FRMPD4: variants seen among roughly 807,000 people sequenced by gnomAD.
FRMPD4 encodes FERM and PDZ domain-containing protein 4.
A neutral mutation model predicts 94.1 loss-of-function variants in FRMPD4; 22 were observed. The observed-to-expected ratio is 0.23, with a 90% confidence interval of 0.17 to 0.33. The LOEUF (loss-of-function observed/expected upper bound fraction) is 0.33, where lower values mean the gene tolerates loss of function less well. Ranked by LOEUF, FRMPD4 falls within the 10% of genes least tolerant of loss-of-function variation. The pLI, the probability that FRMPD4 is intolerant of heterozygous loss-of-function variation, is 1.00. For synonymous variants in FRMPD4, 631 were observed against 548.6 expected (o/e 1.15, Z -2.10); for missense variants, 1,111 against 1,339.9 (o/e 0.83, Z 2.67).
chrX:12,117,593 T>C (rs1248774137), intron 3 of FRMPD4, among the ~76,000 whole-genome samples: 4 of 111,720 alleles, frequency 3.6e-5, no homozygotes, highest in Admixed American at 1.9e-4. Flanking sequence ...GCCATTTCAA[T>C]TCCAAATATG....
intron 1 of FRMPD4, among the ~76,000 whole-genome samples, chrX:12,317,585 C>CAAAAAAAAAAAAAAAAAAAAA (rs376884335): frequency 7.1e-5 from 3 of 42,443 alleles, no homozygotes; most frequent in African/African-American, 2.5e-4. Context: ...AACTAAATAG[C>CAAAAAAAAAAAAAAAAAAAAA]AAAAAAAAAA....
intron 3 of FRMPD4, among the ~76,000 whole-genome samples, chrX:12,104,938 T>A (rs190105873): frequency 8.9e-6 from 1 of 111,762 alleles, no homozygotes; most frequent in Non-Finnish European, 1.9e-5. Flanking sequence ...GTGCTAATTA[T>A]CTCCCTTTAT....
At chrX:12,057,563 GTGTT>G (rs2054861298) in intron 3 of FRMPD4, among the ~76,000 whole-genome samples, 1 of 111,331 alleles carries the variant, frequency 9.0e-6, no homozygotes, top group Non-Finnish European at 1.9e-5. Context: ...ACCTCTTAGA[GTGTT>G]TGTTTTCTAT....
At chrX:12,483,638 A>G (rs1266073214) in intron 1 of FRMPD4, among the ~76,000 whole-genome samples, 1 of 111,612 alleles carries the variant, frequency 9.0e-6, no homozygotes, top group Non-Finnish European at 1.9e-5. Context: ...CATTAGGGGA[A>G]TTTTATAAAT....
At chrX:12,360,957 GAAAAAAAA>G (rs71871271) in intron 1 of FRMPD4, among the ~76,000 whole-genome samples, 1 of 58,879 alleles carries the variant, frequency 1.7e-5, no homozygotes, top group Non-Finnish European at 3.2e-5. Flanking sequence ...GCCATGAAAA[GAAAAAAAA>G]AAAAAAAAAC....
intron 2 of FRMPD4, among the ~76,000 whole-genome samples, chrX:12,594,539 C>G (rs1456134928): frequency 9.0e-6 from 1 of 110,535 alleles, no homozygotes; most frequent in African/African-American, 3.3e-5. Flanking sequence ...GGGTTCACAC[C>G]GTTCTCCTGC....
intron 3 of FRMPD4, among the ~76,000 whole-genome samples, chrX:11,965,496 T>C (rs2054305382): frequency 8.9e-6 from 1 of 112,162 alleles, no homozygotes; most frequent in African/African-American, 3.2e-5. Context: ...TCTAAAAACA[T>C]GATTTCTGCC....
rs183905750 is a variant in FRMPD4 at position 11,929,847 on chromosome X, C to A, written c.95+51829C>A. Among the ~76,000 whole-genome samples the A allele has an allele frequency of 1.6e-3, 178 of 110,531 alleles. 1 individual carries two copies. The highest frequency in any genetic ancestry group is 4.7e-3 in the Middle Eastern group (1 of 215). ...CATCAGCCGGGTGCGGTGGCTCACACCTGTAATCCCAACAGTTTGGGAGGC... is the reference window on the plus strand; with the variant it reads ...CATCAGCCGGGTGCGGTGGCTCACAACTGTAATCCCAACAGTTTGGGAGGC... On this transcript the variant is annotated intron_variant, in intron 3 of 18. Transcript: ENST00000640291.
chrX:12,457,468 C>G (rs1166553166), intron 1 of FRMPD4, among the ~76,000 whole-genome samples: 1 of 111,558 alleles, frequency 9.0e-6, no homozygotes, highest in Non-Finnish European at 1.9e-5. Context: ...TGTGTTAGTA[C>G]TTTGTTGAAT....
At chrX:12,583,733 C>A (rs1029168220) in intron 2 of FRMPD4, among the ~76,000 whole-genome samples, 3 of 112,795 alleles carry the variant, frequency 2.7e-5, no homozygotes, top group African/African-American at 9.6e-5. Flanking sequence ...GAGCCTCACC[C>A]GGGCCCAGCT....
intron 1 of FRMPD4, among the ~76,000 whole-genome samples, chrX:12,449,057 G>A (rs1175459893): frequency 8.9e-6 from 1 of 111,979 alleles, no homozygotes; most frequent in Non-Finnish European, 1.9e-5. Flanking sequence ...GTTCATACAT[G>A]CAGAAATCCA....
chrX:12,278,172 A>G (rs1601771272), intron 1 of FRMPD4, among the ~76,000 whole-genome samples: 1 of 111,890 alleles, frequency 8.9e-6, no homozygotes. Flanking sequence ...AGAAGTTCAT[A>G]CCTTTTCTCA....
chrX:11,954,537 A>G (rs906040835), intron 3 of FRMPD4, among the ~76,000 whole-genome samples: 4 of 111,988 alleles, frequency 3.6e-5, no homozygotes, highest in African/African-American at 1.3e-4. Context: ...GGAAAGCTTA[A>G]TTAAAGCAAA....
chrX:12,105,786 T>C (rs751579257), intron 3 of FRMPD4, among the ~76,000 whole-genome samples: 2 of 112,173 alleles, frequency 1.8e-5, no homozygotes, highest in South Asian at 7.5e-4. Context: ...TGTGGTAGGA[T>C]GAGCAAGGTG....
chrX:12,201,223 A>G (rs991096990), intron 1 of FRMPD4, among the ~76,000 whole-genome samples: 1 of 112,600 alleles, frequency 8.9e-6, no homozygotes, highest in African/African-American at 3.2e-5. Context: ...TATTATTTCT[A>G]TCTTTTCTGT....
chrX:11,872,352 G>A (rs942387681), intron 2 of FRMPD4, among the ~76,000 whole-genome samples: 1 of 111,828 alleles, frequency 8.9e-6, no homozygotes, highest in Non-Finnish European at 1.9e-5. Context: ...GAGTTTGGGC[G>A]GAACATTTCC....
Position 12,614,863 on chromosome X carries a change from G to T in FRMPD4, c.404G>T (p.Arg135Leu). 1 of 1,146,691 alleles carries T rather than the reference G, an allele frequency of 8.7e-7. No individual in the cohort carries two copies. The highest frequency in any genetic ancestry group is 1.2e-6 in the Non-Finnish European group (1 of 837,219). The allele number at this position is 1,146,691 out of a possible 1,213,427, so 94.5% of individuals were successfully genotyped here. Residue 135 changes from arginine (R) to leucine (L), a missense_variant, in exon 4 of 17, where the codon CGG becomes CTG. Arg to Leu is a moderately radical substitution (Grantham distance 102). Transcript: ENST00000675598. ...DEPVSAAPRE[R>L]VIDLVRSCKE... ...CCGGTCAGCGCTGCACCCAGAGAGC[G>T]GGTCATCGATCTGGTCAGGTGAGTG... is the stretch of plus-strand genomic sequence containing the variant.
intron 2 of FRMPD4, among the ~76,000 whole-genome samples, chrX:11,877,795 C>T (rs1243642657): frequency 8.9e-6 from 1 of 111,951 alleles, no homozygotes; most frequent in Non-Finnish European, 1.9e-5. Flanking sequence ...ATCGATTCCT[C>T]CTCTCCTTCC....
rs191199072 is a variant in FRMPD4 at position 12,133,274 on chromosome X, G to T, written c.95+255256G>T. The stretch of plus-strand genomic sequence containing the variant: ...TTTTTTAGAGATGGGGTCTCACTAT[G>T]TTACCCAGGCTGGTCTCGAACTCCT... On this transcript the variant is annotated intron_variant, in intron 3 of 18. Transcript: ENST00000640291. Among the ~76,000 whole-genome samples, 5 of 108,472 alleles carry T rather than the reference G, an allele frequency of 4.6e-5. No homozygotes were observed. In the East Asian group the frequency reaches 1.4e-3, roughly 31 times the overall value. 94.2% of individuals were successfully genotyped at this position (108,472 alleles called of 115,157 possible). A position where few individuals can be genotyped will look rare whatever the true frequency, so the allele number is the denominator to read the frequency against.
Sources: gnomAD v4.1 joint callset for allele counts (sites outside exome capture counted in the v4.1 genomes callset) on GRCh38, gnomAD v4.1.1 for gene constraint, MANE v1.5 for transcripts, NCBI Gene and HGNC (gene_info 2026-07-23, HGNC 2026-07-21) for gene names.